The following DEF6 variants were observed in gnomAD, a reference collection of about 807,000 sequenced individuals.
DEF6 encodes differentially expressed in FDCP 6 homolog.
DEF6 carries 32 observed loss-of-function variants against 80.5 expected under a neutral mutation model. The ratio of observed to expected loss-of-function variants is 0.40; its 90% CI spans 0.30 to 0.53. The LOEUF (loss-of-function observed/expected upper bound fraction) is 0.53. Ranked by LOEUF, DEF6 falls within the 20% of genes least tolerant of loss-of-function variation. DEF6 has a pLI of 0.57. For synonymous variants in DEF6, 300 were observed against 337.9 expected (o/e 0.89, Z 1.23); for missense variants, 575 against 818.7 (o/e 0.70, Z 3.63).
At chr6:35,301,015 C>T (rs1206729276) in intron 1 of DEF6, among the ~76,000 whole-genome samples, 3 of 152,132 alleles carry the variant, frequency 2.0e-5, no homozygotes, top group African/African-American at 4.8e-5. Flanking sequence ...AGGCCTACCA[C>T]TTCCTCCTTG....
intron 1 of DEF6, among the ~76,000 whole-genome samples, chr6:35,302,682 G>T (rs1272944293): frequency 6.6e-6 from 1 of 152,194 alleles, no homozygotes; most frequent in Non-Finnish European, 1.5e-5. Context: ...TGGAGACTGT[G>T]GGAGTCCTCT....
At chr6:35,299,942 CGA>C (rs771790570) in intron 1 of DEF6, among the ~76,000 whole-genome samples, 6 of 152,084 alleles carry the variant, frequency 3.9e-5, no homozygotes, top group Non-Finnish European at 5.9e-5. Context: ...AGGAAGCAGA[CGA>C]GAGAGTTATA....
chr6:35,307,124 G>A (rs371933933), intron 1 of DEF6, among the ~76,000 whole-genome samples: 6 of 152,384 alleles, frequency 3.9e-5, no homozygotes, highest in South Asian at 2.1e-4. Flanking sequence ...GTGGCCGGGC[G>A]CAGTGGCTCA....
Position 35,320,992 on chromosome 6 carries a change from CTG to C in DEF6, c.1672+19_1672+20del. The C allele has an allele frequency of 6.2e-7, 1 of 1,611,444 alleles. No individual in the cohort carries two copies. Among genetic ancestry groups the C allele is most frequent in the Non-Finnish European group, 8.5e-7 (1 of 1,178,108 alleles). ...GCCTGGAGGTGAGAAGGAATAGACT[CTG>C]GAGCTTTCCCTGGAGCTGGGAGGGA... On this transcript the variant is annotated intron_variant, in intron 10 of 10. Transcript: ENST00000316637.
At chr6:35,302,777 G>A (rs921698730) in intron 1 of DEF6, among the ~76,000 whole-genome samples, 5 of 152,276 alleles carry the variant, frequency 3.3e-5, no homozygotes, top group Admixed American at 1.3e-4. Context: ...TGGGCTGGGC[G>A]GGCATGTTTC....
At position 35,321,328 on chromosome 6, in the gene DEF6, A is replaced by T. The variant is rs943269896; in HGVS notation, c.1814A>T (p.Lys605Met). Residue 605 changes from lysine to methionine, a missense_variant, in exon 11 of 11, where the codon AAG (lysine) becomes ATG (methionine). Physicochemically the swap from Lys to Met is moderately conservative, Grantham distance 95. Coordinates refer to ENST00000316637, the MANE Select transcript of DEF6 (RefSeq NM_022047.4). ...TPSPNSNEQQ[K>M]SLNGGDEAPA... Reference sequence around the variant, plus strand: ...TCGCCCAACAGCAATGAGCAGCAGAAGTCCCTCAATGGTGGGGATGAGGCT... The same window carrying T: ...TCGCCCAACAGCAATGAGCAGCAGATGTCCCTCAATGGTGGGGATGAGGCT... The T allele has an allele frequency of 3.1e-6, 5 of 1,614,046 alleles. No homozygotes were observed. The African/African-American group carries it at 6.7e-5, about 22-fold the overall frequency.
At chr6:35,314,401 C>CT (rs2150387916) in intron 5 of DEF6, among the ~76,000 whole-genome samples, 1 of 82,342 alleles carries the variant, frequency 1.2e-5, no homozygotes, top group East Asian at 3.4e-4. Flanking sequence ...GAGTGAAACT[C>CT]TATCTCAAAA....
At chr6:35,314,312 G>T (rs1248984031) in intron 5 of DEF6, among the ~76,000 whole-genome samples, 1 of 151,720 alleles carries the variant, frequency 6.6e-6, no homozygotes, top group Non-Finnish European at 1.5e-5. Context: ...GGAGGCTGAG[G>T]CAGGAGAATC....
chr6:35,319,741 A>G lies in DEF6; in HGVS notation c.1382+51A>G, dbSNP rs1791565976. On this transcript the variant is annotated intron_variant, in intron 8 of 10. Transcript: ENST00000316637. This position sits in a 1 kb window ranked among gnomAD's most constrained non-coding sequence, Gnocchi z 4.5. ...TCTCTCACCACCCCTCCTGGAACAC[A>G]CCCCAGTTTTCCTGCTTGCTGTGCA... The G allele has an allele frequency of 6.2e-7, 1 of 1,609,406 alleles. No homozygotes were observed. Among genetic ancestry groups the G allele is most frequent in the Admixed American group, 1.7e-5 (1 of 59,768 alleles).
rs1367944607 is a variant in DEF6 at position 35,317,827 on chromosome 6, T to C, written c.808-64T>C. ...GCTAGGGGCTTGAGCTGGAGCACCCTTGGGGCAGGTGGGGCCCTGACCCAG... is the reference window on the plus strand; with the variant it reads ...GCTAGGGGCTTGAGCTGGAGCACCCCTGGGGCAGGTGGGGCCCTGACCCAG... On this transcript the variant is annotated intron_variant, in intron 5 of 10. Coordinates refer to ENST00000316637, the MANE Select transcript of DEF6 (RefSeq NM_022047.4). 4.1e-6 allele frequency: 6 copies of C among 1,449,880 alleles called. No individual in the cohort carries two copies. In the African/African-American group the frequency reaches 7.0e-5, roughly 17 times the overall value. 89.8% of individuals were successfully genotyped at this position (1,449,880 alleles called of 1,614,324 possible).
Position 35,297,848 on chromosome 6 carries a change from G to A in DEF6, c.-9G>A, listed in dbSNP as rs1295520722. ...CAGAGCCGCCCCCAGCCGGGCGGGCGCCTCAGCCATGGCCCTGCGCAAGGA... is the reference window on the plus strand; with the variant it reads ...CAGAGCCGCCCCCAGCCGGGCGGGCACCTCAGCCATGGCCCTGCGCAAGGA... On this transcript the variant is annotated 5_prime_UTR_variant, in exon 1 of 11. Transcript: ENST00000316637. 8.2e-6 allele frequency: 13 copies of A among 1,588,228 alleles called. No homozygotes were observed. In the East Asian group the frequency reaches 9.1e-5, roughly 11 times the overall value.
intron 1 of DEF6, among the ~76,000 whole-genome samples, chr6:35,305,083 T>C (rs2150385470): frequency 6.9e-6 from 1 of 145,498 alleles, no homozygotes; most frequent in Admixed American, 6.7e-5. Context: ...GCATTGGGAT[T>C]ACAGGTATGA....
Position 35,302,228 on chromosome 6 carries a change from T to C in DEF6, c.96+4276T>C, listed in dbSNP as rs529937865. Among the ~76,000 whole-genome samples, 377 of 152,220 alleles carry C rather than the reference T, an allele frequency of 2.5e-3. 1 individual carries two copies. The highest frequency in any genetic ancestry group is 5.6e-3 in the African/African-American group (232 of 41,532). ...AATGAAAAAAATTAGGCATGATGGC[T>C]CCTGCCTATAGTTCCTGCTACTCTG... On this transcript the variant is annotated intron_variant, in intron 1 of 10. Coordinates refer to ENST00000316637, the MANE Select transcript of DEF6 (RefSeq NM_022047.4).
intron 1 of DEF6, among the ~76,000 whole-genome samples, chr6:35,302,985 C>T (rs1445325105): frequency 2.6e-5 from 4 of 152,148 alleles, no homozygotes; most frequent in Non-Finnish European, 4.4e-5. Context: ...CAAGTGAGCT[C>T]CTGCTCACAA....
rs1791543596 is a variant in DEF6, at chr6:35,318,088, G to A, written c.917-85G>A. 5 of 1,543,924 alleles carry A rather than the reference G, an allele frequency of 3.2e-6. No homozygotes were observed. The highest frequency in any genetic ancestry group is 1.2e-5 in the South Asian group (1 of 82,816). On this transcript the variant is annotated intron_variant, in intron 6 of 10. Transcript: ENST00000316637. This position sits in a 1 kb window ranked among gnomAD's most constrained non-coding sequence, Gnocchi z 5.1. ...GTGATAATACTTTGTCCAGCGGGAG[G>A]TTGGAGAGTGGACTCGGGAAACTCC...
intron 1 of DEF6, among the ~76,000 whole-genome samples, chr6:35,300,324 G>A (rs2150384304): frequency 6.6e-6 from 1 of 152,260 alleles, no homozygotes; most frequent in Non-Finnish European, 1.5e-5. Context: ...ACCTCACTGG[G>A]CTGGTTACTA....
At chr6:35,316,485 C>T (rs1478534485) in intron 5 of DEF6, among the ~76,000 whole-genome samples, 3 of 152,190 alleles carry the variant, frequency 2.0e-5, no homozygotes, top group African/African-American at 4.8e-5. Context: ...TGTTCCAGAT[C>T]TTAGAGGAAA....
At chr6:35,306,414 G>A (rs1316265054) in intron 1 of DEF6, among the ~76,000 whole-genome samples, 2 of 151,664 alleles carry the variant, frequency 1.3e-5, no homozygotes, top group Non-Finnish European at 2.9e-5. Flanking sequence ...GGGAAGCCGA[G>A]GAAGGAGAAG....
intron 1 of DEF6, among the ~76,000 whole-genome samples, chr6:35,307,953 A>G (rs1791413462): frequency 6.6e-6 from 1 of 152,204 alleles, no homozygotes. Flanking sequence ...AAGCCCTTCA[A>G]TATAGCATGT....
Sources: allele counts gnomAD v4.1 joint callset (sites outside exome capture counted in the v4.1 genomes callset), GRCh38; gene constraint gnomAD v4.1.1; non-coding constraint Gnocchi (gnomAD v3.1); transcripts MANE v1.5; gene names NCBI Gene and HGNC (gene_info 2026-07-23, HGNC 2026-07-21).